The following MDGA1 variants were observed in gnomAD, a reference collection of about 807,000 sequenced individuals.
The protein encoded by MDGA1 is MAM domain containing glycosylphosphatidylinositol anchor 1, also known as MAM domain-containing glycosylphosphatidylinositol anchor protein 1.
A neutral mutation model predicts 101.5 loss-of-function variants in MDGA1; 54 were observed. The ratio of observed to expected loss-of-function variants is 0.53; its 90% CI spans 0.43 to 0.67. MDGA1 has a LOEUF of 0.67. MDGA1 is among the 30% of genes least tolerant of loss of function. MDGA1 has a pLI of 0.00. For synonymous variants in MDGA1, 533 were observed against 558.3 expected (o/e 0.95, Z 0.64); for missense variants, 1,083 against 1,323.8 (o/e 0.82, Z 2.82).
intron 2 of MDGA1, among the ~76,000 whole-genome samples, chr6:37,660,214 C>T (rs3846878): frequency 0.51 from 76,583 of 149,954 alleles, 20,893 homozygotes; most frequent in East Asian, 0.68. Context: ...TAGGGTCTCA[C>T]TATGTTGCCC....
chr6:37,666,090 G>A (rs1021621386), intron 1 of MDGA1, among the ~76,000 whole-genome samples: 3 of 151,670 alleles, frequency 2.0e-5, no homozygotes, highest in Non-Finnish European at 2.9e-5. Flanking sequence ...GCTCACGCCT[G>A]TAATCCCAGC....
At chr6:37,676,090 G>T (rs1325764466) in intron 1 of MDGA1, among the ~76,000 whole-genome samples, 1 of 152,190 alleles carries the variant, frequency 6.6e-6, no homozygotes, top group African/African-American at 2.4e-5. Flanking sequence ...TAGTAGATAC[G>T]CTAGAAGTAC....
At chr6:37,688,583 C>G (rs1305578809) in intron 1 of MDGA1, among the ~76,000 whole-genome samples, 1 of 152,204 alleles carries the variant, frequency 6.6e-6, no homozygotes, top group Admixed American at 6.5e-5. Context: ...AGCTGCTATT[C>G]CAGCCTCCCT....
rs1461511667 is a variant in MDGA1, at chr6:37,638,805, G to A, written c.2537-138C>T. 1 of 1,171,062 alleles carries A rather than the reference G, an allele frequency of 8.5e-7. No individual in the cohort carries two copies. The highest frequency in any genetic ancestry group is 1.5e-5 in the African/African-American group (1 of 65,178). The allele number at this position is 1,171,062 out of a possible 1,614,324, so 72.5% of individuals were successfully genotyped here. A position where few individuals can be genotyped will look rare whatever the true frequency, so the allele number is the denominator to read the frequency against. ...CAGGACCTCCTCCCCATGCCCAGCT[G>A]GGTGCAATGTCCCATTCCTGCAGGG... is the stretch of plus-strand genomic sequence containing the variant. On this transcript the variant is annotated intron_variant, in intron 14 of 16. Transcript: ENST00000434837. The surrounding 1 kb of genome is among the most constrained non-coding windows in gnomAD (Gnocchi z 4.8).
At chr6:37,689,392 A>C (rs1460562603) in intron 1 of MDGA1, among the ~76,000 whole-genome samples, 2 of 152,134 alleles carry the variant, frequency 1.3e-5, no homozygotes, top group Non-Finnish European at 2.9e-5. Flanking sequence ...TATCCCCCCC[A>C]GACATGCCAG....
chr6:37,646,596 G>A (rs188501814), intron 10 of MDGA1, among the ~76,000 whole-genome samples: 40 of 152,264 alleles, frequency 2.6e-4, no homozygotes, highest in African/African-American at 9.4e-4. Flanking sequence ...ATCCTATGAG[G>A]CAAAAATCAT....
Position 37,684,584 on chromosome 6 carries a change from G to A in MDGA1, c.67+12161C>T, listed in dbSNP as rs367885903. 6.6e-5 allele frequency among the ~76,000 whole-genome samples: 10 copies of A among 152,152 alleles called. 1 individual carries two copies. The highest frequency in any genetic ancestry group is 6.4e-3 in the Middle Eastern group (2 of 314). ...TGACATGGCTTTTAACTTCAGCCTC[G>A]GCACCTAATTGCTGTGTGACCTTGA... On this transcript the variant is annotated intron_variant, in intron 1 of 16. Transcript: ENST00000434837.
Position 37,638,050 on chromosome 6 carries a change from G to C in MDGA1, c.2776+155C>G. 1 of 675,436 alleles carries C rather than the reference G, an allele frequency of 1.5e-6. No individual in the cohort carries two copies. The highest frequency in any genetic ancestry group is 2.7e-5 in the East Asian group (1 of 36,668). The allele number at this position is 675,436 out of a possible 1,614,324, so 41.8% of individuals were successfully genotyped here. On this transcript the variant is annotated intron_variant, in intron 16 of 16. Coordinates refer to ENST00000434837, the MANE Select transcript of MDGA1 (RefSeq NM_153487.4). The surrounding 1 kb of genome is among the most constrained non-coding windows in gnomAD (Gnocchi z 4.8). Reference sequence around the variant, plus strand: ...AAGTACACAGCCTGAGTGAGTGTGGGGCACACCTTCACACAGTCAGAGCCA... The same window carrying C: ...AAGTACACAGCCTGAGTGAGTGTGGCGCACACCTTCACACAGTCAGAGCCA...
At chr6:37,682,963 G>A (rs1246232768) in intron 1 of MDGA1, among the ~76,000 whole-genome samples, 1 of 152,324 alleles carries the variant, frequency 6.6e-6, no homozygotes, top group East Asian at 1.9e-4. Flanking sequence ...TAGACAGAAT[G>A]CAGTCGACCT....
intron 1 of MDGA1, among the ~76,000 whole-genome samples, chr6:37,681,896 T>C (rs1164131449): frequency 6.6e-6 from 1 of 152,236 alleles, no homozygotes; most frequent in Non-Finnish European, 1.5e-5. Context: ...AGGGTGTCAG[T>C]GCTTTGGGCA....
intron 7 of MDGA1, among the ~76,000 whole-genome samples, chr6:37,651,637 C>T (rs1181623139): frequency 6.6e-6 from 1 of 152,072 alleles, no homozygotes; most frequent in African/African-American, 2.4e-5. Context: ...ATTCCAACTC[C>T]CAAGCCCTCT....
chr6:37,639,700 T>C (rs1764018496), intron 14 of MDGA1: 1 of 152,226 alleles, frequency 6.6e-6, no homozygotes, highest in African/African-American at 2.4e-5. Flanking sequence ...AGCTCTCTGT[T>C]CTTTTTTCTG....
chr6:37,696,345 G>A lies in MDGA1; in HGVS notation c.67+400C>T, dbSNP rs1013026515. Among the ~76,000 whole-genome samples, 1 of 152,170 alleles carries A rather than the reference G, an allele frequency of 6.6e-6. No individual in the cohort carries two copies. Among genetic ancestry groups the A allele is most frequent in the Non-Finnish European group, 1.5e-5 (1 of 68,016 alleles). ...AGCCGGCTCGCCCGCAAGCCGCGCG[G>A]CAACTCCGGCTCATGCATCGCTTGG... On this transcript the variant is annotated intron_variant, in intron 1 of 16. Transcript: ENST00000434837. This position sits in a 1 kb window ranked among gnomAD's most constrained non-coding sequence, Gnocchi z 5.6.
In MDGA1 at chr6:37,649,249, G is replaced by T; in HGVS notation, c.1627C>A (p.Pro543Thr). ...LNVQFPPEVE[P>T]SSQDVRQALG... ...GCCTGGCGCACGTCCTGGGAACTGG[G>T]CTCCACCTCCGGCGGGACTGGGGGC... Residue 543 changes from proline (P) to threonine (T), a missense_variant, in exon 9 of 17, where the codon CCC becomes ACC. By Grantham distance (38) the Pro-to-Thr change is conservative (BLOSUM62 -1). Coordinates refer to ENST00000434837, the MANE Select transcript of MDGA1 (RefSeq NM_153487.4). 6.6e-7 allele frequency: 1 copy of T among 1,505,074 alleles called. No individual in the cohort carries two copies. The highest frequency in any genetic ancestry group is 8.8e-7 in the Non-Finnish European group (1 of 1,135,122). 93.2% of individuals were successfully genotyped at this position (1,505,074 alleles called of 1,614,324 possible). A position where few individuals can be genotyped will look rare whatever the true frequency, so the allele number is the denominator to read the frequency against.
chr6:37,644,854 T>C (rs1485009119), intron 12 of MDGA1, among the ~76,000 whole-genome samples: 1 of 152,244 alleles, frequency 6.6e-6, no homozygotes, highest in East Asian at 1.9e-4. Flanking sequence ...CCTAGGCCCT[T>C]CTGGCAACTA....
chr6:37,678,054 AG>A (rs1202583372), intron 1 of MDGA1, among the ~76,000 whole-genome samples: 1 of 152,222 alleles, frequency 6.6e-6, no homozygotes, highest in African/African-American at 2.4e-5. Context: ...CTGAGGTTAA[AG>A]AACCAGGGAG....
chr6:37,667,588 T>A (rs1358952142), intron 1 of MDGA1, among the ~76,000 whole-genome samples: 2 of 152,182 alleles, frequency 1.3e-5, no homozygotes, highest in Non-Finnish European at 2.9e-5. Flanking sequence ...GCCAAAGTCC[T>A]CGGGAAATCT....
At chr6:37,684,404 C>G (rs768688030) in intron 1 of MDGA1, among the ~76,000 whole-genome samples, 1 of 152,096 alleles carries the variant, frequency 6.6e-6, no homozygotes, top group Non-Finnish European at 1.5e-5. Context: ...GCAATGAGGT[C>G]TGAGAATAAG....
In MDGA1 at chr6:37,690,760, G is replaced by A. The variant is rs1196150604; in HGVS notation, c.67+5985C>T. On this transcript the variant is annotated intron_variant, in intron 1 of 16. Transcript: ENST00000434837. ...CCACTGCACTCCAGCCTGGGTAACC[G>A]AGACTCCACCTCAAAAAAAAAAAAA... 9.1e-4 allele frequency among the ~76,000 whole-genome samples: 123 copies of A among 134,898 alleles called. 1 individual carries two copies. The highest frequency in any genetic ancestry group is 7.6e-3 in the Middle Eastern group (2 of 264). The allele number at this position is 134,898 out of a possible 152,430, so 88.5% of individuals were successfully genotyped here. A position where few individuals can be genotyped will look rare whatever the true frequency, so the allele number is the denominator to read the frequency against.
Sources: gnomAD v4.1 joint callset for allele counts (sites outside exome capture counted in the v4.1 genomes callset) on GRCh38, gnomAD v4.1.1 for gene constraint, Gnocchi (gnomAD v3.1) non-coding constraint, MANE v1.5 for transcripts, NCBI Gene and HGNC (gene_info 2026-07-23, HGNC 2026-07-21) for gene names.